Variants in SNX7 observed in about 807,000 individuals in gnomAD.
SNX7 encodes sorting nexin 7.
SNX7 carries 35 observed loss-of-function variants against 48.4 expected under a neutral mutation model. The observed-to-expected ratio is 0.72, with a 90% CI of 0.55 to 0.96. The LOEUF is 0.96. SNX7 is among the 40% of genes least tolerant of loss of function. SNX7 has a pLI of 0.00. For synonymous variants in SNX7, 190 were observed against 190.2 expected (o/e 1.00, Z 0.01); for missense variants, 553 against 548.9 (o/e 1.01, Z -0.07).
chr1:98,685,148 T>C, intron 2 of SNX7, 81 bp downstream of exon 2: 1 of 859,156 alleles, frequency 1.2e-6, no homozygotes, highest in Non-Finnish European at 1.7e-6. Flanking sequence ...TTCATTATAA[T>C]TCTGAACATT....
intron 7 of SNX7, among the ~76,000 whole-genome samples, chr1:98,709,482 T>C (rs1652186692): frequency 6.6e-6 from 1 of 152,204 alleles, no homozygotes; most frequent in Non-Finnish European, 1.5e-5. Flanking sequence ...TCCTACGGAA[T>C]TATTTTAACT....
At chr1:98,684,659 T>C (rs1300284098) in intron 1 of SNX7, among the ~76,000 whole-genome samples, 2 of 152,188 alleles carry the variant, frequency 1.3e-5, no homozygotes, top group Admixed American at 1.3e-4. Flanking sequence ...ATAGCAATCC[T>C]TGAGGGTTTA....
chr1:98,691,051 G>A lies in SNX7; in HGVS notation c.364-24G>A, dbSNP rs764401620. Reference sequence around the variant, plus strand: ...CCTTCTATCTTATATTGCATGTGCTGTTATTTTCTCTTACTTTCTTCAGAC... The same window carrying A: ...CCTTCTATCTTATATTGCATGTGCTATTATTTTCTCTTACTTTCTTCAGAC... On this transcript the variant is annotated intron_variant, in intron 2 of 8. Coordinates refer to ENST00000306121, the MANE Select transcript of SNX7 (RefSeq NM_015976.5). 5.9e-6 allele frequency: 9 copies of A among 1,519,928 alleles called. No individual in the cohort carries two copies. The Admixed American group carries it at 1.2e-4, about 20-fold the overall frequency. 94.2% of individuals were successfully genotyped at this position (1,519,928 alleles called of 1,614,324 possible).
chr1:98,715,528 T>C (rs1259261619), intron 7 of SNX7, among the ~76,000 whole-genome samples: 1 of 152,222 alleles, frequency 6.6e-6, no homozygotes, highest in Non-Finnish European at 1.5e-5. Flanking sequence ...TGCCTTATCA[T>C]ACTTTAACTT....
chr1:98,716,725 T>C lies in SNX7; in HGVS notation c.1125+14822T>C, dbSNP rs990721350. On this transcript the variant is annotated intron_variant, in intron 7 of 8. Transcript: ENST00000306121. ...TGTATCATAAATACAATTTTTTTTT[T>C]CCCAATGGGTGGGTCTGAAGTCCAT... Among the ~76,000 whole-genome samples, 6 of 152,078 alleles carry C rather than the reference T, an allele frequency of 3.9e-5. No homozygotes were observed. The South Asian group carries it at 1.0e-3, about 26-fold the overall frequency.
rs1288977020 is a variant in SNX7 at position 98,661,796 on chromosome 1, G to A, written c.65G>A (p.Gly22Glu). The change falls in exon 1 of 9, where the codon GGG becomes GAG. Residue 22 changes from glycine (G) to glutamate (E), a missense_variant. Coordinates refer to ENST00000306121, the MANE Select transcript of SNX7 (RefSeq NM_015976.5). The stretch of plus-strand genomic sequence containing the variant: ...GGCCTCCCGGCCGGGGGCGCCAACG[G>A]GGAGAGCCCGGGGGGCGGCGCCCCC... ...SSGLPAGGAN[G>E]ESPGGGAPFP... 2 of 1,244,554 alleles carry A rather than the reference G, an allele frequency of 1.6e-6. No individual in the cohort carries two copies. The highest frequency in any genetic ancestry group is 2.0e-6 in the Non-Finnish European group (2 of 986,922). 77.1% of individuals were successfully genotyped at this position (1,244,554 alleles called of 1,614,324 possible).
At chr1:98,671,213 C>T (rs1649845394) in intron 1 of SNX7, among the ~76,000 whole-genome samples, 1 of 152,258 alleles carries the variant, frequency 6.6e-6, no homozygotes, top group South Asian at 2.1e-4. Flanking sequence ...TAAACATTTT[C>T]ATTGGAGTCA....
chr1:98,751,782 G>A (rs1475126222), intron 8 of SNX7, among the ~76,000 whole-genome samples: 2 of 152,064 alleles, frequency 1.3e-5, no homozygotes, highest in Non-Finnish European at 2.9e-5. Flanking sequence ...ACTGTAAAAT[G>A]AAATTACCTG....
At chr1:98,672,481 G>A (rs1206393847) in intron 1 of SNX7, among the ~76,000 whole-genome samples, 2 of 149,562 alleles carry the variant, frequency 1.3e-5, no homozygotes, top group Non-Finnish European at 1.5e-5. Context: ...AGAAAGAAGA[G>A]GGATCATTAG....
chr1:98,739,964 G>C (rs550703200), intron 8 of SNX7, among the ~76,000 whole-genome samples: 1 of 152,284 alleles, frequency 6.6e-6, no homozygotes, highest in East Asian at 1.9e-4. Flanking sequence ...TCAGAGTTAG[G>C]CAACACTGGA....
intron 1 of SNX7, among the ~76,000 whole-genome samples, chr1:98,671,124 T>C (rs1393601168): frequency 6.6e-6 from 1 of 152,348 alleles, no homozygotes; most frequent in Non-Finnish European, 1.5e-5. Flanking sequence ...GCTATGTGGT[T>C]ACAGTGTTAA....
intron 7 of SNX7, among the ~76,000 whole-genome samples, chr1:98,719,463 G>A (rs1415499384): frequency 6.6e-6 from 1 of 151,942 alleles, no homozygotes; most frequent in East Asian, 1.9e-4. Context: ...TGATGAGTGG[G>A]GTTAAGCATT....
intron 7 of SNX7, among the ~76,000 whole-genome samples, chr1:98,709,841 T>TC (rs761736178): frequency 6.6e-6 from 1 of 152,208 alleles, no homozygotes; most frequent in East Asian, 1.9e-4. Context: ...CTTGTTTTTT[T>TC]CCTTACTCTC....
intron 2 of SNX7, among the ~76,000 whole-genome samples, chr1:98,685,818 CTA>C (rs1406901643): frequency 2.0e-5 from 3 of 152,020 alleles, no homozygotes; most frequent in Non-Finnish European, 2.9e-5. Flanking sequence ...TGCCACACTG[CTA>C]TTAGTTATGT....
intron 1 of SNX7, among the ~76,000 whole-genome samples, chr1:98,666,081 T>A (rs904472591): frequency 1.3e-5 from 2 of 152,222 alleles, no homozygotes; most frequent in Non-Finnish European, 2.9e-5. Context: ...CTTACTAATT[T>A]CTCACATATA....
At chr1:98,689,230 A>G (rs1650977355) in intron 2 of SNX7, among the ~76,000 whole-genome samples, 1 of 152,186 alleles carries the variant, frequency 6.6e-6, no homozygotes, top group Non-Finnish European at 1.5e-5. Flanking sequence ...CCACTTTAGA[A>G]GGGACAATGA....
rs1331995937 is a variant in SNX7, at chr1:98,662,449, C to G, written c.180+538C>G. 3.0e-5 allele frequency: 9 copies of G among 302,624 alleles called. No homozygotes were observed. In the Admixed American group the frequency reaches 3.0e-4, roughly 10 times the overall value. The allele number at this position is 302,624 out of a possible 1,614,324, so 18.7% of individuals were successfully genotyped here. ...CCTGAACAGGAGAAAACGGTTGTTT[C>G]TAACAGGAAGCTCCTCCGCTGAGGA... On this transcript the variant is annotated intron_variant, in intron 1 of 8. Coordinates refer to ENST00000306121, the MANE Select transcript of SNX7 (RefSeq NM_015976.5).
intron 7 of SNX7, among the ~76,000 whole-genome samples, chr1:98,717,536 A>G (rs529595866): frequency 6.6e-6 from 1 of 152,230 alleles, no homozygotes; most frequent in South Asian, 2.1e-4. Context: ...TCCCAGAACA[A>G]TCCTCAGAAA....
At chr1:98,672,221 C>T (rs546898767) in intron 1 of SNX7, among the ~76,000 whole-genome samples, 1 of 152,150 alleles carries the variant, frequency 6.6e-6, no homozygotes, top group African/African-American at 2.4e-5. Context: ...TGTGATTCTG[C>T]TCTCGGCTTT....
Sources: gnomAD v4.1 joint callset for allele counts (sites outside exome capture counted in the v4.1 genomes callset) on GRCh38, gnomAD v4.1.1 for gene constraint, MANE v1.5 for transcripts, NCBI Gene and HGNC (gene_info 2026-07-23, HGNC 2026-07-21) for gene names.